ERO1A: variants seen among roughly 807,000 people sequenced by gnomAD.
ERO1A encodes ERO1-like protein alpha.
Under a neutral mutation model 76.9 loss-of-function variants are expected in ERO1A, and 49 were observed. The ratio of observed to expected loss-of-function variants is 0.64; its 90% CI spans 0.51 to 0.81. ERO1A has a LOEUF of 0.81. ERO1A is among the 30% of genes least tolerant of loss of function. ERO1A has a pLI of 0.00. For missense variants in ERO1A, 448 were observed against 542.1 expected, an observed-to-expected ratio of 0.83 and a Z score of 1.72; for synonymous variants, 174 against 181.2, an observed-to-expected ratio of 0.96 and a Z score of 0.32.
intron 11 of ERO1A, among the ~76,000 whole-genome samples, chr14:52,654,040 TTAA>T (rs1156291574): frequency 2.0e-5 from 3 of 152,190 alleles, no homozygotes; most frequent in Middle Eastern, 3.4e-3. Context: ...AACAAATATC[TTAA>T]TAAGGTGACA....
At chr14:52,678,278 A>G in intron 4 of ERO1A, 156 bp downstream of exon 4, 1 of 502,318 alleles carries the variant, frequency 2.0e-6, no homozygotes, top group Non-Finnish European at 3.6e-6. Context: ...ATAAAATGTT[A>G]AACAAAAACA....
chr14:52,657,973 A>G lies in ERO1A; in HGVS notation c.752T>C (p.Ile251Thr), dbSNP rs2139665513. 6.2e-7 allele frequency: 1 copy of G among 1,612,522 alleles called. No homozygotes were observed. The highest frequency in any genetic ancestry group is 2.2e-5 in the East Asian group (1 of 44,754). Residue 251 changes from isoleucine to threonine, a missense_variant, in exon 11 of 16, where the codon ATA becomes ACA. This residue lies in a region of ERO1A where 302 missense variants were observed against 411.9 expected (regional missense o/e 0.73). Transcript: ENST00000395686. ...ATTAATGCTTGCATGTAGGCCAGAT[A>G]TAAGTCTGTAGAATGCTCTTTTTTC... ...CVEKRAFYRL[I>T]SGLHASINVH...
intron 12 of ERO1A, among the ~76,000 whole-genome samples, chr14:52,652,527 A>C (rs1459234328): frequency 4.6e-5 from 7 of 152,210 alleles, no homozygotes; most frequent in African/African-American, 1.7e-4. Flanking sequence ...TCAAATAAAC[A>C]TGAAAATAAT....
intron 1 of ERO1A, among the ~76,000 whole-genome samples, chr14:52,691,357 G>T: frequency 6.6e-6 from 1 of 152,284 alleles, no homozygotes; most frequent in African/African-American, 2.4e-5. Context: ...TAGTCTTGCC[G>T]AAACTTTAAA....
intron 11 of ERO1A, among the ~76,000 whole-genome samples, chr14:52,657,293 A>G (rs995595264): frequency 1.3e-5 from 2 of 152,196 alleles, no homozygotes; most frequent in African/African-American, 2.4e-5. Flanking sequence ...GAGAGGTTCA[A>G]ACTTTTTCCT....
At position 52,648,762 on chromosome 14, in the gene ERO1A, G is replaced by A. The variant is rs144460856; in HGVS notation, c.1126-2301C>T. Among the ~76,000 whole-genome samples the A allele has an allele frequency of 4.3e-3, 657 of 152,244 alleles. 2 individuals carry two copies. Among genetic ancestry groups the A allele is most frequent in the Non-Finnish European group, 7.2e-3 (487 of 68,002 alleles). On this transcript the variant is annotated intron_variant, in intron 13 of 15. Transcript: ENST00000395686. ...CGCTAATTTCAATGTTTGCTTCTAC[G>A]TTAATTCAAATACTTGAATGTGACA...
In ERO1A at chr14:52,675,314, C is replaced by CA. The variant is rs1318732948; in HGVS notation, c.357+3119dup. Among the ~76,000 whole-genome samples, 3 of 151,324 alleles carry CA rather than the reference C, an allele frequency of 2.0e-5. No homozygotes were observed. The East Asian group carries it at 5.9e-4, about 30-fold the overall frequency. On this transcript the variant is annotated intron_variant, in intron 4 of 15. Coordinates refer to ENST00000395686, the MANE Select transcript of ERO1A (RefSeq NM_014584.3). The stretch of plus-strand genomic sequence containing the variant: ...AGGAGAATTGCTTGAACCCGGGAGG[C>CA]AGAGGTTGCAGTGAGCCAAGATCGC...
intron 6 of ERO1A, among the ~76,000 whole-genome samples, chr14:52,667,844 C>T (rs768513025): frequency 8.6e-5 from 13 of 151,966 alleles, no homozygotes; most frequent in Admixed American, 2.6e-4. Context: ...TGGACAAAAA[C>T]GGTCTCAATG....
intron 4 of ERO1A, among the ~76,000 whole-genome samples, chr14:52,677,227 T>C (rs1229118570): frequency 6.6e-6 from 1 of 152,142 alleles, no homozygotes; most frequent in East Asian, 1.9e-4. Context: ...GAAAAGCTAT[T>C]AGGGAGCTTT....
At chr14:52,663,972 C>T in intron 7 of ERO1A, 125 bp from the exon 8 acceptor site, 1 of 541,630 alleles carries the variant, frequency 1.8e-6, no homozygotes, top group Non-Finnish European at 3.3e-6. Flanking sequence ...GATTATAAAA[C>T]ACTTAGTTTC....
intron 4 of ERO1A, among the ~76,000 whole-genome samples, chr14:52,674,083 A>T (rs1006981977): frequency 6.6e-5 from 10 of 152,220 alleles, no homozygotes; most frequent in Admixed American, 6.5e-4. Context: ...CCACAAACAA[A>T]TATTTTATCT....
chr14:52,692,226 T>C (rs1347346615), intron 1 of ERO1A, among the ~76,000 whole-genome samples: 2 of 152,254 alleles, frequency 1.3e-5, no homozygotes, highest in Non-Finnish European at 2.9e-5. Flanking sequence ...AATTCATTTT[T>C]TGATCTCCCA....
intron 6 of ERO1A, among the ~76,000 whole-genome samples, chr14:52,667,954 CA>C (rs891053073): frequency 2.7e-5 from 4 of 148,750 alleles, no homozygotes; most frequent in Admixed American, 6.7e-5. Context: ...ACCACAAAAA[CA>C]AAAAAAAACC....
chr14:52,677,812 A>G (rs2040845993), intron 4 of ERO1A, among the ~76,000 whole-genome samples: 1 of 146,156 alleles, frequency 6.8e-6, no homozygotes, highest in South Asian at 2.2e-4. Context: ...ACAGTGAGCT[A>G]TGATCATGCC....
intron 2 of ERO1A, among the ~76,000 whole-genome samples, chr14:52,682,831 G>A (rs999922319): frequency 5.3e-5 from 8 of 151,698 alleles, no homozygotes; most frequent in South Asian, 2.1e-4. Context: ...CCCAGGAGTC[G>A]AAGGGCGCAG....
chr14:52,695,362 G>A lies in ERO1A; in HGVS notation c.114+6C>T, dbSNP rs1056384385. On this transcript the variant is annotated splice_donor_region_variant and intron_variant, in intron 1 of 15. Transcript: ENST00000395686. ...GACCCTCAGCACCAACGCGCACATCGCTCACCTGGCAGAAGCACCTCTGTG... is the reference window on the plus strand; with the variant it reads ...GACCCTCAGCACCAACGCGCACATCACTCACCTGGCAGAAGCACCTCTGTG... 3 of 1,444,850 alleles carry A rather than the reference G, an allele frequency of 2.1e-6. No individual in the cohort carries two copies. The Admixed American group carries it at 7.1e-5, about 34-fold the overall frequency. The allele number at this position is 1,444,850 out of a possible 1,614,324, so 89.5% of individuals were successfully genotyped here.
chr14:52,643,767 T>C, intron 15 of ERO1A, 137 bp from the exon 16 acceptor site: 2 of 511,568 alleles, frequency 3.9e-6, no homozygotes, highest in Non-Finnish European at 6.7e-6. Flanking sequence ...TTTAATGTAT[T>C]TTAATATATT....
chr14:52,671,677 T>C lies in ERO1A; in HGVS notation c.461A>G (p.Gln154Arg), dbSNP rs757398454. ...LSEETQKAVL[Q>R]WTKHDDSSDN... is the part of the protein sequence containing the mutation. The stretch of plus-strand genomic sequence containing the variant: ...TGAAGAATCATCATGCTTGGTCCAC[T>C]GAAGAACAGCCTTCTGTGTTTCCTC... The change falls in exon 6 of 16, where the codon CAG becomes CGG. Residue 154 changes from glutamine to arginine, a missense_variant. Coordinates refer to ENST00000395686, the MANE Select transcript of ERO1A (RefSeq NM_014584.3). The C allele has an allele frequency of 1.2e-6, 2 of 1,608,086 alleles. No individual in the cohort carries two copies. Among genetic ancestry groups the C allele is most frequent in the South Asian group, 1.1e-5 (1 of 89,348 alleles).
At chr14:52,672,188 C>T in intron 4 of ERO1A, 1 of 184,778 alleles carries the variant, frequency 5.4e-6, no homozygotes, top group Admixed American at 6.0e-5. Context: ...CGCCTGTAGT[C>T]CCAGCTACTC....
Sources: allele counts gnomAD v4.1 joint callset (sites outside exome capture counted in the v4.1 genomes callset), GRCh38; gene constraint gnomAD v4.1.1; regional missense constraint gnomAD v4.1.1; transcripts MANE v1.5; gene names NCBI Gene and HGNC (gene_info 2026-07-23, HGNC 2026-07-21).